ITIH2: variants seen among roughly 807,000 people sequenced by gnomAD.
The protein encoded by ITIH2 is inter-alpha-trypsin inhibitor heavy chain H2.
A neutral mutation model predicts 104.4 loss-of-function variants in ITIH2; 103 were observed. That is an observed-to-expected ratio of 0.99 (90% CI 0.84 to 1.16). ITIH2 has a LOEUF of 1.16. ITIH2 is among the 50% of genes most tolerant of loss of function. The pLI, the probability that ITIH2 is intolerant of heterozygous loss-of-function variation, is 0.00. For synonymous variants in ITIH2, 436 were observed against 435.4 expected (o/e 1.00, Z -0.02); for missense variants, 1,108 against 1,162.4 (o/e 0.95, Z 0.68).
At chr10:7,719,780 A>AAAAAG (rs1834884703) in intron 6 of ITIH2, among the ~76,000 whole-genome samples, 2 of 141,172 alleles carry the variant, frequency 1.4e-5, no homozygotes, top group African/African-American at 5.5e-5. Context: ...AAAAAAAAAA[A>AAAAAG]AAAGAAAGAA....
rs113022932 is a variant in ITIH2, at chr10:7,731,195, G to A, written c.1462-616G>A. ...GGCCTCCCAAAGTGCTGGGATTACA[G>A]GTCAAGCCACCATGCCCGACCTCCT... On this transcript the variant is annotated intron_variant, in intron 12 of 20. Coordinates refer to ENST00000358415, the MANE Select transcript of ITIH2 (RefSeq NM_002216.3). Among the ~76,000 whole-genome samples, 304 of 152,202 alleles carry A rather than the reference G, an allele frequency of 2.0e-3. 1 individual carries two copies. The highest frequency in any genetic ancestry group is 7.0e-3 in the African/African-American group (292 of 41,552).
At position 7,707,232 on chromosome 10, in the gene ITIH2, T is replaced by C; in HGVS notation, c.191T>C (p.Met64Thr). 1 of 1,600,286 alleles carries C rather than the reference T, an allele frequency of 6.2e-7. No individual in the cohort carries two copies. The highest frequency in any genetic ancestry group is 1.7e-5 in the Admixed American group (1 of 59,716). The change falls in exon 3 of 21, where the codon ATG becomes ACG. Residue 64 changes from methionine to threonine, a missense_variant and splice_region_variant. Met to Thr is a moderately conservative substitution (Grantham distance 81). Coordinates refer to ENST00000358415, the MANE Select transcript of ITIH2 (RefSeq NM_002216.3). ...CTTCCAGGAGAATCGGAAGAAATGA[T>C]GGTAAGTTGACTTGATGTTGTTACA... ...RSLPGESEEM[M>T]EEVDQVTLYS...
chr10:7,737,674 ATATTTTC>A lies in ITIH2; in HGVS notation c.1958-943_1958-937del, dbSNP rs1222643859. ...TATATTATATTCTATATTATATTCT[ATATTTTC>A]TATATTATATTCTATATAATATTCT... is the stretch of plus-strand genomic sequence containing the variant. On this transcript the variant is annotated intron_variant, in intron 15 of 20. Coordinates refer to ENST00000358415, the MANE Select transcript of ITIH2 (RefSeq NM_002216.3). 3.8e-3 allele frequency among the ~76,000 whole-genome samples: 116 copies of A among 30,198 alleles called. 4 individuals carry two copies. The highest frequency in any genetic ancestry group is 8.3e-3 in the African/African-American group (61 of 7,386). The allele number at this position is 30,198 out of a possible 152,430, so 19.8% of individuals were successfully genotyped here.
At position 7,727,123 on chromosome 10, in the gene ITIH2, G is replaced by T. The variant is rs752371503; in HGVS notation, c.1153+5G>T. ...AGAAAATCCAGCCCAGTGGAGGTGA[G>T]TGTGTTGGGCTAAATCCCAAGGAGA... On this transcript the variant is annotated splice_donor_5th_base_variant and intron_variant, in intron 10 of 20. Coordinates refer to ENST00000358415, the MANE Select transcript of ITIH2 (RefSeq NM_002216.3). 6 of 1,611,656 alleles carry T rather than the reference G, an allele frequency of 3.7e-6. No homozygotes were observed. In the East Asian group the frequency reaches 1.3e-4, roughly 36 times the overall value.
At chr10:7,746,836 G>A (rs1399396708) in intron 20 of ITIH2, 132 bp downstream of exon 20, 7 of 599,148 alleles carry the variant, frequency 1.2e-5, no homozygotes, top group Admixed American at 2.8e-5. Context: ...ATTAGGAATA[G>A]ACGCACACAG....
At position 7,730,148 on chromosome 10, in the gene ITIH2, T is replaced by C. The variant is rs1217789260; in HGVS notation, c.1461+15T>C. ...CCCAGCTTAAGGTAACATTTTCTTC[T>C]GTTCTTTTTTTATTCTTCACTGGAA... On this transcript the variant is annotated intron_variant, in intron 12 of 20. Transcript: ENST00000358415. The C allele has an allele frequency of 1.3e-6, 2 of 1,568,874 alleles. No individual in the cohort carries two copies. The highest frequency in any genetic ancestry group is 2.7e-5 in the African/African-American group (2 of 72,862).
intron 2 of ITIH2, among the ~76,000 whole-genome samples, chr10:7,706,322 C>T (rs1399862350): frequency 3.9e-5 from 6 of 152,156 alleles, no homozygotes; most frequent in South Asian, 2.1e-4. Flanking sequence ...ATCCAACACC[C>T]GACTTCTTGG....
Position 7,717,658 on chromosome 10 carries a change from C to A in ITIH2, c.500C>A (p.Thr167Lys). The part of the protein sequence containing the change: ...SSALDMENFR[T>K]EVNVLPGAKV... The stretch of plus-strand genomic sequence containing the variant: ...GCTCTTGATATGGAAAACTTCAGAA[C>A]GGAAGTAAATGTCCTCCCAGGAGCA... Residue 167 changes from threonine to lysine, a missense_variant, in exon 6 of 21, where the codon ACG becomes AAG. By Grantham distance (78) the Thr-to-Lys change is moderately conservative (BLOSUM62 -1). Transcript: ENST00000358415. 1 of 1,613,936 alleles carries A rather than the reference C, an allele frequency of 6.2e-7. No individual in the cohort carries two copies. The highest frequency in any genetic ancestry group is 1.1e-5 in the South Asian group (1 of 91,064).
intron 4 of ITIH2, 126 bp from the exon 5 acceptor site, chr10:7,713,055 G>A (rs1834812231): frequency 1.5e-6 from 1 of 659,122 alleles, no homozygotes; most frequent in Non-Finnish European, 2.6e-6. Flanking sequence ...AGGAGGTGGA[G>A]GTTGCACTGA....
intron 4 of ITIH2, among the ~76,000 whole-genome samples, chr10:7,710,091 A>G (rs1460179879): frequency 6.6e-6 from 1 of 152,196 alleles, no homozygotes; most frequent in African/African-American, 2.4e-5. Context: ...TGACCTCGTG[A>G]TCTGCCCGCC....
chr10:7,723,040 T>G (rs1255542462), intron 8 of ITIH2, among the ~76,000 whole-genome samples: 1 of 144,848 alleles, frequency 6.9e-6, no homozygotes, highest in African/African-American at 2.6e-5. Context: ...TGGAGTGGGG[T>G]GAAGTGAAGT....
intron 5 of ITIH2, among the ~76,000 whole-genome samples, chr10:7,714,691 C>A (rs1458104550): frequency 1.3e-5 from 2 of 152,118 alleles, no homozygotes; most frequent in Non-Finnish European, 2.9e-5. Context: ...AGACAAGGAA[C>A]CTGTGACAAC....
chr10:7,735,735 C>T (rs1462688893), intron 15 of ITIH2, among the ~76,000 whole-genome samples: 2 of 148,750 alleles, frequency 1.3e-5, no homozygotes, highest in African/African-American at 2.5e-5. Flanking sequence ...CACAATGGCA[C>T]GATCTCAGCT....
intron 5 of ITIH2, among the ~76,000 whole-genome samples, chr10:7,716,506 C>T (rs897481779): frequency 1.3e-5 from 2 of 151,808 alleles, no homozygotes; most frequent in Non-Finnish European, 2.9e-5. Context: ...GAAGTGGAGG[C>T]GGGTGGATCA....
In ITIH2 at chr10:7,723,327, T is replaced by G. The variant is rs189073177; in HGVS notation, c.868-124T>G. The G allele has an allele frequency of 1.5e-4, 110 of 712,046 alleles. No homozygotes were observed. The East Asian group carries it at 2.7e-3, about 17-fold the overall frequency. 44.1% of individuals were successfully genotyped at this position (712,046 alleles called of 1,614,324 possible). A position where few individuals can be genotyped will look rare whatever the true frequency, so the allele number is the denominator to read the frequency against. On this transcript the variant is annotated intron_variant, in intron 8 of 20. Coordinates refer to ENST00000358415, the MANE Select transcript of ITIH2 (RefSeq NM_002216.3). ...GCAGGCAGGAAAATGTGGAGGCAAA[T>G]GCACATCAAGCTCCGCCTCCTCCTC...
At chr10:7,731,659 A>G (rs1462314165) in intron 12 of ITIH2, 152 bp from the exon 13 acceptor site, 2 of 466,624 alleles carry the variant, frequency 4.3e-6, no homozygotes, top group Non-Finnish European at 7.2e-6. Flanking sequence ...CAGGAGCCGG[A>G]GATTGCAGTG....
chr10:7,707,326 G>A (rs533196003), intron 3 of ITIH2, 93 bp downstream of exon 3: 12 of 927,502 alleles, frequency 1.3e-5, no homozygotes, highest in African/African-American at 1.1e-4. Context: ...CTTCATCACC[G>A]AGTATTTACC....
chr10:7,746,995 A>G (rs2038993), intron 20 of ITIH2, among the ~76,000 whole-genome samples: 106,655 of 152,074 alleles, frequency 0.7, 37,529 homozygotes, highest in Non-Finnish European at 0.72. Context: ...TTGGATAACC[A>G]GACACGTTGA....
chr10:7,732,728 T>C (rs1008075892), intron 14 of ITIH2, among the ~76,000 whole-genome samples: 1 of 152,010 alleles, frequency 6.6e-6, no homozygotes, highest in African/African-American at 2.4e-5. Context: ...ATTTTATTTA[T>C]TTATTTTTAT....
Sources: gnomAD v4.1 joint callset for allele counts (sites outside exome capture counted in the v4.1 genomes callset) on GRCh38, gnomAD v4.1.1 for gene constraint, MANE v1.5 for transcripts, NCBI Gene and HGNC (gene_info 2026-07-23, HGNC 2026-07-21) for gene names.